Variants in PIK3C2G observed in about 807,000 individuals in gnomAD.
The protein encoded by PIK3C2G is phosphatidylinositol-4-phosphate 3-kinase catalytic subunit type 2 gamma, also known as phosphatidylinositol 3-kinase C2 domain-containing subunit gamma.
PIK3C2G carries 168 observed loss-of-function variants against 181.1 expected under a neutral mutation model. The observed-to-expected ratio is 0.93, with a 90% CI of 0.82 to 1.05. PIK3C2G has a LOEUF of 1.05. Ranked by LOEUF, PIK3C2G falls within the 50% of genes least tolerant of loss-of-function variation. PIK3C2G has a pLI of 0.00. For missense variants in PIK3C2G, 1,869 were observed against 1,732.8 expected (o/e 1.08, Z -1.40); for synonymous variants, 573 against 592.2 (o/e 0.97, Z 0.47).
chr12:18,427,782 GA>G (rs966600863), intron 18 of PIK3C2G, among the ~76,000 whole-genome samples: 1 of 146,840 alleles, frequency 6.8e-6, no homozygotes. Context: ...TCATCCTTTC[GA>G]AAAAAAAAAT....
At chr12:18,393,928 T>C (rs1044293566) in intron 15 of PIK3C2G, among the ~76,000 whole-genome samples, 1 of 152,114 alleles carries the variant, frequency 6.6e-6, no homozygotes, top group Non-Finnish European at 1.5e-5. Flanking sequence ...CAGAGCATCA[T>C]ACTGGAGAGC....
the PIK3C2G span, among the ~76,000 whole-genome samples, chr12:18,670,308 ACAC>A: frequency 6.6e-6 from 1 of 152,114 alleles, no homozygotes; most frequent in African/African-American, 2.4e-5. Flanking sequence ...ACACACACAC[ACAC>A]AACATCAGAA....
intron 11 of PIK3C2G, 44 bp from the exon 12 acceptor site, chr12:18,362,720 C>T: frequency 7.0e-7 from 1 of 1,422,770 alleles, no homozygotes. Flanking sequence ...AAGCTAGTTT[C>T]TTTAAAGTGC....
intron 18 of PIK3C2G, among the ~76,000 whole-genome samples, chr12:18,485,003 T>C (rs1196288359): frequency 6.6e-6 from 1 of 152,170 alleles, no homozygotes; most frequent in Non-Finnish European, 1.5e-5. Flanking sequence ...CCTGGAGTGA[T>C]CTGAAATCAC....
the PIK3C2G span, among the ~76,000 whole-genome samples, chr12:18,704,532 C>T: frequency 2.6e-4 from 40 of 151,994 alleles, no homozygotes; most frequent in African/African-American, 8.7e-4. Context: ...CACCATGTTG[C>T]TCAAGGCTGG....
intron 18 of PIK3C2G, among the ~76,000 whole-genome samples, chr12:18,460,238 T>C (rs1446219192): frequency 4.6e-5 from 7 of 152,090 alleles, no homozygotes; most frequent in Non-Finnish European, 8.8e-5. Flanking sequence ...TTACTTAATA[T>C]GCAAAAAAGT....
At chr12:18,266,465 T>C (rs1948503931) in intron 1 of PIK3C2G, among the ~76,000 whole-genome samples, 1 of 152,286 alleles carries the variant, frequency 6.6e-6, no homozygotes, top group Non-Finnish European at 1.5e-5. Flanking sequence ...TTGAAATTAT[T>C]AAAATATATT....
intron 1 of PIK3C2G, among the ~76,000 whole-genome samples, chr12:18,253,569 C>T (rs1486968053): frequency 6.6e-6 from 1 of 152,076 alleles, no homozygotes; most frequent in Non-Finnish European, 1.5e-5. Flanking sequence ...TTCAGAAGTA[C>T]AGGAGAAGCT....
At chr12:18,663,325 C>G in the PIK3C2G span, among the ~76,000 whole-genome samples, 2 of 152,016 alleles carry the variant, frequency 1.3e-5, no homozygotes, top group Non-Finnish European at 2.9e-5. Context: ...TTTAGAAAAC[C>G]ATGAGTCCAG....
At chr12:18,633,208 C>T (rs947784884) in intron 31 of PIK3C2G, among the ~76,000 whole-genome samples, 2 of 152,046 alleles carry the variant, frequency 1.3e-5, no homozygotes, top group African/African-American at 4.8e-5. Context: ...ATGAATAATG[C>T]TTAAATACTA....
rs1469213191 is a variant in PIK3C2G, at chr12:18,399,783, C to T, written c.2251C>T (p.His751Tyr). Residue 751 changes from histidine (H) to tyrosine (Y), a missense_variant, in exon 16 of 33, where the codon CAT (histidine) becomes TAT (tyrosine). By Grantham distance (83) the His-to-Tyr change is moderately conservative. Transcript: ENST00000538779. ...GGATGAAAGGACTGTTTCAGAAATG[C>T]ATACCATTTTGAGAAGATGGACATT... ...GWDERTVSEM[H>Y]TILRRWTFSQ... is the part of the protein sequence containing the mutation. 1 of 1,606,986 alleles carries T rather than the reference C, an allele frequency of 6.2e-7. No homozygotes were observed. The highest frequency in any genetic ancestry group is 2.2e-5 in the East Asian group (1 of 44,826).
At chr12:18,305,172 T>C (rs1950367479) in intron 5 of PIK3C2G, among the ~76,000 whole-genome samples, 1 of 152,210 alleles carries the variant, frequency 6.6e-6, no homozygotes, top group Non-Finnish European at 1.5e-5. Flanking sequence ...CTGCATTTGG[T>C]CTTAATTCAA....
chr12:18,489,014 C>T (rs1462721524), intron 19 of PIK3C2G, among the ~76,000 whole-genome samples: 1 of 151,930 alleles, frequency 6.6e-6, no homozygotes, highest in Non-Finnish European at 1.5e-5. Flanking sequence ...ACATTTTTCA[C>T]GTAACAAATA....
At chr12:18,608,784 C>T (rs965442895) in intron 30 of PIK3C2G, among the ~76,000 whole-genome samples, 1 of 152,012 alleles carries the variant, frequency 6.6e-6, no homozygotes, top group Non-Finnish European at 1.5e-5. Context: ...GAAATTTAGA[C>T]CTTTTTTCAT....
chr12:18,565,647 C>T (rs1359736713), intron 28 of PIK3C2G, among the ~76,000 whole-genome samples: 2 of 152,066 alleles, frequency 1.3e-5, no homozygotes, highest in African/African-American at 4.8e-5. Context: ...AAGTAATTTT[C>T]AATAACTGCT....
At chr12:18,463,251 A>G (rs998631185) in intron 18 of PIK3C2G, among the ~76,000 whole-genome samples, 6 of 152,220 alleles carry the variant, frequency 3.9e-5, no homozygotes, top group African/African-American at 1.4e-4. Context: ...TCACTATTTG[A>G]TTTTCATGCA....
chr12:18,545,072 G>GT (rs111947145), intron 25 of PIK3C2G, among the ~76,000 whole-genome samples: 8 of 151,644 alleles, frequency 5.3e-5, no homozygotes, highest in African/African-American at 1.9e-4. Flanking sequence ...GAGCTTTCTT[G>GT]TTTTTTTGTA....
At chr12:18,411,285 T>C (rs956530054) in intron 16 of PIK3C2G, among the ~76,000 whole-genome samples, 3 of 152,144 alleles carry the variant, frequency 2.0e-5, no homozygotes, top group Admixed American at 6.6e-5. Flanking sequence ...AATGGCCTAG[T>C]GTTTTGGATA....
intron 32 of PIK3C2G, among the ~76,000 whole-genome samples, chr12:18,643,421 T>C (rs1253704462): frequency 6.6e-6 from 1 of 152,032 alleles, no homozygotes; most frequent in African/African-American, 2.4e-5. Flanking sequence ...AGTGTGTGTA[T>C]AAGTGATGAT....
Sources: allele counts gnomAD v4.1 joint callset (sites outside exome capture counted in the v4.1 genomes callset), GRCh38; gene constraint gnomAD v4.1.1; transcripts MANE v1.5; gene names NCBI Gene and HGNC (gene_info 2026-07-23, HGNC 2026-07-21).